MAD1L1: variants seen among roughly 807,000 people sequenced by gnomAD.
The protein encoded by MAD1L1 is mitotic spindle assembly checkpoint protein MAD1.
A neutral mutation model predicts 96.9 loss-of-function variants in MAD1L1; 95 were observed. That is an observed-to-expected ratio of 0.98 (90% CI 0.83 to 1.16). The LOEUF (loss-of-function observed/expected upper bound fraction) is 1.16. MAD1L1 is among the 50% of genes most tolerant of loss of function. The pLI is 0.00. For missense variants in MAD1L1, 1,007 were observed against 954.4 expected (o/e 1.06, Z -0.73); for synonymous variants, 473 against 396.6 (o/e 1.19, Z -2.29).
intron 10 of MAD1L1, among the ~76,000 whole-genome samples, chr7:2,211,496 C>T (rs765005480): frequency 3.9e-5 from 6 of 152,360 alleles, no homozygotes; most frequent in East Asian, 3.9e-4. Flanking sequence ...CAGGGCCGGG[C>T]CCATCAGGCA....
chr7:2,023,686 C>T (rs767891407), intron 12 of MAD1L1, among the ~76,000 whole-genome samples: 6 of 152,200 alleles, frequency 3.9e-5, no homozygotes, highest in Admixed American at 6.5e-5. Context: ...CAGTGGCTCA[C>T]GCCTGTTATC....
At chr7:1,826,248 C>G (rs1019027310) in intron 18 of MAD1L1, among the ~76,000 whole-genome samples, 3 of 152,178 alleles carry the variant, frequency 2.0e-5, no homozygotes, top group Non-Finnish European at 4.4e-5. Context: ...GGAGCAGCAG[C>G]CACCACCGAG....
intron 12 of MAD1L1, among the ~76,000 whole-genome samples, chr7:2,038,704 G>A (rs950647307): frequency 6.7e-6 from 1 of 148,900 alleles, no homozygotes; most frequent in Non-Finnish European, 1.5e-5. Flanking sequence ...AGTAGAGACA[G>A]GGTTTCACCA....
intron 18 of MAD1L1, among the ~76,000 whole-genome samples, chr7:1,823,472 G>A (rs779882182): frequency 1.2e-4 from 18 of 152,158 alleles, no homozygotes; most frequent in Admixed American, 9.2e-4. Context: ...CTACACGACA[G>A]GGCGCCAGCG....
chr7:1,936,249 C>T (rs910082431), intron 17 of MAD1L1, among the ~76,000 whole-genome samples: 4 of 152,246 alleles, frequency 2.6e-5, no homozygotes, highest in African/African-American at 9.6e-5. Context: ...CCTGCTGGCC[C>T]TCATGGAGGC....
intron 15 of MAD1L1, among the ~76,000 whole-genome samples, chr7:1,974,757 A>AG (rs1780557438): frequency 8.5e-5 from 13 of 152,400 alleles, no homozygotes; most frequent in Admixed American, 7.8e-4. Context: ...TCAAGAGCGG[A>AG]AGGGCGTGAG....
chr7:2,203,625 C>A (rs1009853017), intron 10 of MAD1L1, among the ~76,000 whole-genome samples: 8 of 152,238 alleles, frequency 5.3e-5, no homozygotes, highest in African/African-American at 1.9e-4. Flanking sequence ...CTCCAGCACA[C>A]CCTGCAGTTC....
chr7:1,975,508 C>T (rs1425354230), intron 15 of MAD1L1, among the ~76,000 whole-genome samples: 2 of 152,192 alleles, frequency 1.3e-5, no homozygotes, highest in African/African-American at 4.8e-5. Context: ...CAAAGATCAA[C>T]CCACTGCCCT....
intron 11 of MAD1L1, among the ~76,000 whole-genome samples, chr7:2,129,985 C>T (rs1397793189): frequency 6.6e-6 from 1 of 152,234 alleles, no homozygotes; most frequent in African/African-American, 2.4e-5. Flanking sequence ...GTGAAGAAAA[C>T]ACTACCCAAC....
At chr7:2,083,728 C>T (rs1785770766) in intron 11 of MAD1L1, among the ~76,000 whole-genome samples, 1 of 152,246 alleles carries the variant, frequency 6.6e-6, no homozygotes, top group Non-Finnish European at 1.5e-5. Flanking sequence ...GGCTGTGTAC[C>T]AAGAAGACCA....
chr7:1,908,928 T>A (rs1471942585), intron 17 of MAD1L1, among the ~76,000 whole-genome samples: 1 of 152,206 alleles, frequency 6.6e-6, no homozygotes, highest in Non-Finnish European at 1.5e-5. Context: ...GCGCCTGGCA[T>A]GAGCAGCGGC....
intron 15 of MAD1L1, among the ~76,000 whole-genome samples, chr7:1,977,223 T>C (rs1483030656): frequency 6.6e-6 from 1 of 152,198 alleles, no homozygotes; most frequent in African/African-American, 2.4e-5. Context: ...GGGTGTGGGC[T>C]CAGGCATGGC....
chr7:2,190,311 C>T (rs1198817711), intron 10 of MAD1L1, among the ~76,000 whole-genome samples: 1 of 152,146 alleles, frequency 6.6e-6, no homozygotes, highest in Non-Finnish European at 1.5e-5. Context: ...AACAGACATA[C>T]GTATTGTGGG....
chr7:2,209,031 G>A (rs146431544), intron 10 of MAD1L1, among the ~76,000 whole-genome samples: 19 of 152,280 alleles, frequency 1.2e-4, no homozygotes, highest in Middle Eastern at 3.4e-3. Flanking sequence ...GTGTGTTCAC[G>A]CAGGCTCATC....
In MAD1L1 at chr7:2,215,864, GCA is replaced by G. The variant is rs1793242265; in HGVS notation, c.924+19_924+20del. 6.2e-7 allele frequency: 1 copy of G among 1,609,456 alleles called. No homozygotes were observed. The highest frequency in any genetic ancestry group is 1.7e-5 in the Admixed American group (1 of 59,996). On this transcript the variant is annotated intron_variant, in intron 9 of 18. Transcript: ENST00000265854. The stretch of plus-strand genomic sequence containing the variant: ...AGGGCAGAGGACACCCACAGGAACC[GCA>G]CACCACACAGGCCCTCACCTCGTTC...
chr7:1,828,803 C>G (rs1562433476), intron 18 of MAD1L1, among the ~76,000 whole-genome samples: 1 of 152,160 alleles, frequency 6.6e-6, no homozygotes. Context: ...TAGGGCTGAC[C>G]TGACGTCAGA....
intron 10 of MAD1L1, among the ~76,000 whole-genome samples, chr7:2,163,924 C>G (rs1790292143): frequency 6.6e-6 from 1 of 152,030 alleles, no homozygotes; most frequent in African/African-American, 2.4e-5. Context: ...TGCAAACCAT[C>G]CCAAGCATAA....
At chr7:1,877,984 G>A (rs1487542016) in intron 18 of MAD1L1, among the ~76,000 whole-genome samples, 1 of 152,088 alleles carries the variant, frequency 6.6e-6, no homozygotes, top group African/African-American at 2.4e-5. Context: ...GCCAAAATCA[G>A]AAATGGAAGA....
chr7:2,042,259 ATACGCACATGCACACACACG>A (rs1272551923), intron 12 of MAD1L1, among the ~76,000 whole-genome samples: 24 of 150,714 alleles, frequency 1.6e-4, no homozygotes, highest in African/African-American at 6.0e-4. Context: ...ACAGACACAC[ATACGCACATGCACACACACG>A]CGCACATGGA....
Sources: gnomAD v4.1 joint callset for allele counts (sites outside exome capture counted in the v4.1 genomes callset) on GRCh38, gnomAD v4.1.1 for gene constraint, MANE v1.5 for transcripts, NCBI Gene and HGNC (gene_info 2026-07-23, HGNC 2026-07-21) for gene names.